ANXA5: variants seen among roughly 807,000 people sequenced by gnomAD.
ANXA5 encodes annexin A5.
ANXA5 carries 40 observed loss-of-function variants against 48.1 expected under a neutral mutation model. The ratio of observed to expected loss-of-function variants is 0.83; its 90% CI spans 0.65 to 1.08. ANXA5 has a LOEUF of 1.08. ANXA5 is among the 50% of genes least tolerant of loss of function. The pLI is 0.00. For synonymous variants in ANXA5, 113 were observed against 129.1 expected, an observed-to-expected ratio of 0.88 and a Z score of 0.85; for missense variants, 357 against 376.8, an observed-to-expected ratio of 0.95 and a Z score of 0.44.
intron 8 of ANXA5, among the ~76,000 whole-genome samples, chr4:121,676,325 C>T (rs1724697777): frequency 6.6e-6 from 1 of 152,150 alleles, no homozygotes. Context: ...TACTCAAGAA[C>T]ACTGAATATC....
At chr4:121,685,109 TATAA>T (rs1245922819) in intron 3 of ANXA5, among the ~76,000 whole-genome samples, 1 of 151,470 alleles carries the variant, frequency 6.6e-6, no homozygotes, top group Non-Finnish European at 1.5e-5. Context: ...CACACATATA[TATAA>T]ATGTTTTATT....
intron 9 of ANXA5, 44 bp downstream of exon 9, chr4:121,672,489 A>G (rs771050168): frequency 6.9e-7 from 1 of 1,447,976 alleles, no homozygotes; most frequent in South Asian, 1.2e-5. Context: ...TGCACTTTCC[A>G]AATTTACCAA....
rs551163291 is a variant in ANXA5, at chr4:121,668,358, T to C, written c.*110A>G. On this transcript the variant is annotated 3_prime_UTR_variant, in exon 13 of 13. Transcript: ENST00000296511. ...TATGTGTTGGTCATGAGCATGCTAG[T>C]ATGAATAAGGCAATGTGTTAAGCAC... The C allele has an allele frequency of 2.2e-5, 20 of 911,078 alleles. No individual in the cohort carries two copies. In the East Asian group the frequency reaches 4.7e-4, roughly 21 times the overall value. The allele number at this position is 911,078 out of a possible 1,614,324, so 56.4% of individuals were successfully genotyped here.
At chr4:121,696,502 A>C in intron 2 of ANXA5, 79 bp downstream of exon 2, 1 of 1,280,614 alleles carries the variant, frequency 7.8e-7, no homozygotes, top group Non-Finnish European at 1.0e-6. Flanking sequence ...TTTGGCTCTC[A>C]GACAAATCCT....
At chr4:121,681,333 A>G (rs1724790078) in intron 6 of ANXA5, 1 of 169,784 alleles carries the variant, frequency 5.9e-6, no homozygotes, top group Non-Finnish European at 1.2e-5. Flanking sequence ...TTGCTAGCAT[A>G]AAGCTAAATA....
rs571964543 is a variant in ANXA5, at chr4:121,695,665, G to A, written c.9+916C>T. ...AGGCGCAGTGGGATTACAGTCCTGA[G>A]GCCGAGGCGGGAGGATCACTTGAGG... On this transcript the variant is annotated intron_variant, in intron 2 of 12. Transcript: ENST00000296511. Among the ~76,000 whole-genome samples, 5 of 152,238 alleles carry A rather than the reference G, an allele frequency of 3.3e-5. 1 individual carries two copies. Among genetic ancestry groups the A allele is most frequent in the African/African-American group, 1.2e-4 (5 of 41,556 alleles).
chr4:121,689,114 T>C (rs1199984912), intron 2 of ANXA5, among the ~76,000 whole-genome samples: 2 of 152,212 alleles, frequency 1.3e-5, no homozygotes, highest in East Asian at 1.9e-4. Flanking sequence ...AGAAGAGAAA[T>C]TGATAAGATT....
intron 2 of ANXA5, among the ~76,000 whole-genome samples, chr4:121,692,821 A>G (rs1725008972): frequency 6.6e-6 from 1 of 152,378 alleles, no homozygotes; most frequent in African/African-American, 2.4e-5. Context: ...CTATTATATC[A>G]ATAAATCTTA....
In ANXA5 at chr4:121,684,858, T is replaced by A. The variant is rs1724854524; in HGVS notation, c.95-87A>T. 12 of 973,808 alleles carry A rather than the reference T, an allele frequency of 1.2e-5. No individual in the cohort carries two copies. In the South Asian group the frequency reaches 1.5e-4, roughly 12 times the overall value. 60.3% of individuals were successfully genotyped at this position (973,808 alleles called of 1,614,324 possible). A position where few individuals can be genotyped will look rare whatever the true frequency, so the allele number is the denominator to read the frequency against. On this transcript the variant is annotated intron_variant, in intron 3 of 12. Coordinates refer to ENST00000296511, the MANE Select transcript of ANXA5 (RefSeq NM_001154.4). The stretch of plus-strand genomic sequence containing the variant: ...GGCAACTCGCTTCCCAGTCACCTTA[T>A]TTCCTTGCCTCTCCCTATGCGAATA...
At chr4:121,682,825 C>T (rs1256031650) in intron 5 of ANXA5, among the ~76,000 whole-genome samples, 22 of 152,128 alleles carry the variant, frequency 1.4e-4, no homozygotes, top group Admixed American at 1.4e-3. Context: ...ATACAACATT[C>T]CAAACACCAG....
chr4:121,694,683 A>T (rs1340589202), intron 2 of ANXA5, among the ~76,000 whole-genome samples: 1 of 152,198 alleles, frequency 6.6e-6, no homozygotes, highest in African/African-American at 2.4e-5. Flanking sequence ...ATGCCTGGCC[A>T]ATACTAAATA....
intron 8 of ANXA5, among the ~76,000 whole-genome samples, chr4:121,675,905 TAA>T (rs1442097794): frequency 6.6e-6 from 1 of 152,198 alleles, no homozygotes; most frequent in Non-Finnish European, 1.5e-5. Flanking sequence ...AAAACAAGGT[TAA>T]AATGTACTGT....
At chr4:121,669,776 T>C (rs760228735) in intron 11 of ANXA5, 52 bp from the exon 12 acceptor site, 8 of 1,567,650 alleles carry the variant, frequency 5.1e-6, no homozygotes, top group South Asian at 3.6e-5. Context: ...ACTTCAAACA[T>C]AGGATCAAAT....
chr4:121,672,862 G>A (rs1023770924), intron 8 of ANXA5, among the ~76,000 whole-genome samples: 4 of 152,126 alleles, frequency 2.6e-5, no homozygotes, highest in Admixed American at 6.5e-5. Flanking sequence ...AACAAAGCAC[G>A]GCAATGGTGC....
chr4:121,695,010 A>T (rs1300658797), intron 2 of ANXA5, among the ~76,000 whole-genome samples: 1 of 152,222 alleles, frequency 6.6e-6, no homozygotes, highest in African/African-American at 2.4e-5. Flanking sequence ...AGTCTACATA[A>T]TGAAAAGGAA....
intron 4 of ANXA5, among the ~76,000 whole-genome samples, chr4:121,684,036 ACCTATAAGTTTCAG>A (rs1724835643): frequency 6.6e-6 from 1 of 151,998 alleles, no homozygotes; most frequent in East Asian, 1.9e-4. Context: ...AGTATTTCCT[ACCTATAAGTTTCAG>A]CATACCACAC....
chr4:121,677,678 ATTTAT>A (rs1219063219), intron 8 of ANXA5, among the ~76,000 whole-genome samples: 1 of 152,140 alleles, frequency 6.6e-6, no homozygotes, highest in Non-Finnish European at 1.5e-5. Context: ...TCACTATATA[ATTTAT>A]TTTATTTCGT....
intron 2 of ANXA5, among the ~76,000 whole-genome samples, chr4:121,692,183 A>T (rs1473657447): frequency 1.3e-5 from 2 of 152,200 alleles, no homozygotes; most frequent in African/African-American, 4.8e-5. Context: ...CTTAAAATCA[A>T]ATGCAAGGGA....
chr4:121,675,233 G>A (rs534334858), intron 8 of ANXA5, among the ~76,000 whole-genome samples: 12 of 152,222 alleles, frequency 7.9e-5, no homozygotes, highest in East Asian at 5.8e-4. Flanking sequence ...TCTACAAAAC[G>A]TTCAGTTCCC....
Sources: gnomAD v4.1 joint callset for allele counts (sites outside exome capture counted in the v4.1 genomes callset) on GRCh38, gnomAD v4.1.1 for gene constraint, MANE v1.5 for transcripts, NCBI Gene and HGNC (gene_info 2026-07-23, HGNC 2026-07-21) for gene names.